CSMD1: variants seen among roughly 807,000 people sequenced by gnomAD.
CSMD1 encodes the protein CUB and Sushi multiple domains 1.
CSMD1 carries 213 observed loss-of-function variants against 417.5 expected under a neutral mutation model. The observed-to-expected ratio is 0.51, with a 90% confidence interval of 0.46 to 0.57. The LOEUF (loss-of-function observed/expected upper bound fraction) is 0.57. Ranked by LOEUF, CSMD1 falls within the 20% of genes least tolerant of loss-of-function variation. The probability of loss-of-function intolerance (pLI) is 0.00; values close to 1 mark genes in which losing one functional copy is unlikely to be tolerated. For synonymous variants in CSMD1, 2,862 were observed against 1,736.8 expected (o/e 1.65, Z -16.11); for missense variants, 6,923 against 4,529.7 (o/e 1.53, Z -15.17).
At chr8:4,051,966 C>A (rs921851901) in intron 3 of CSMD1, among the ~76,000 whole-genome samples, 1 of 151,052 alleles carries the variant, frequency 6.6e-6, no homozygotes, top group African/African-American at 2.4e-5. Context: ...ACTCTTGTTG[C>A]CCAGGCTGGA....
intron 3 of CSMD1, among the ~76,000 whole-genome samples, chr8:4,419,391 T>A (rs1403073358): frequency 1.3e-5 from 2 of 152,190 alleles, no homozygotes; most frequent in Non-Finnish European, 2.9e-5. Context: ...AAAAAATTTC[T>A]GCCAAAAGCC....
chr8:4,717,563 T>TATCTATCAATCC (rs765602082), intron 1 of CSMD1, among the ~76,000 whole-genome samples: 12 of 137,266 alleles, frequency 8.7e-5, no homozygotes, highest in African/African-American at 3.0e-4. Context: ...TCTATCTATC[T>TATCTATCAATCC]ATCCATCCAT....
chr8:3,978,717 A>G (rs1449219481), intron 5 of CSMD1, among the ~76,000 whole-genome samples: 1 of 152,100 alleles, frequency 6.6e-6, no homozygotes, highest in East Asian at 1.9e-4. Context: ...GCACTCTGAT[A>G]TTGATGTAAA....
intron 4 of CSMD1, among the ~76,000 whole-genome samples, chr8:3,998,582 G>C (rs904130158): frequency 2.0e-5 from 3 of 152,170 alleles, no homozygotes; most frequent in African/African-American, 7.2e-5. Flanking sequence ...ATTAATTTGG[G>C]TTTTGAATTT....
At chr8:4,895,970 A>G (rs1416585156) in intron 1 of CSMD1, among the ~76,000 whole-genome samples, 3 of 151,876 alleles carry the variant, frequency 2.0e-5, no homozygotes, top group Admixed American at 2.0e-4. Flanking sequence ...CCTAATTTTC[A>G]ATGTTTAAAT....
chr8:3,249,353 G>A (rs181322772), intron 26 of CSMD1, among the ~76,000 whole-genome samples: 4 of 152,158 alleles, frequency 2.6e-5, no homozygotes, highest in South Asian at 4.2e-4. Flanking sequence ...CACCCGAGGA[G>A]CTGCGACTAC....
intron 1 of CSMD1, among the ~76,000 whole-genome samples, chr8:4,971,145 T>C (rs1490102522): frequency 6.6e-6 from 1 of 151,988 alleles, no homozygotes; most frequent in Non-Finnish European, 1.5e-5. Context: ...CTGGGGTCCC[T>C]TCCAACTCTC....
chr8:3,563,762 A>G (rs926119319), intron 10 of CSMD1, among the ~76,000 whole-genome samples: 2 of 152,018 alleles, frequency 1.3e-5, no homozygotes, highest in Non-Finnish European at 2.9e-5. Flanking sequence ...GGTGGTAGGC[A>G]TCTGTAATCA....
At chr8:4,060,209 T>A (rs1417494042) in intron 3 of CSMD1, among the ~76,000 whole-genome samples, 3 of 144,258 alleles carry the variant, frequency 2.1e-5, no homozygotes, top group African/African-American at 7.7e-5. Flanking sequence ...ATTATTTCAA[T>A]AGATGCAGAA....
chr8:4,615,568 T>C (rs558283785), intron 2 of CSMD1, among the ~76,000 whole-genome samples: 2 of 152,308 alleles, frequency 1.3e-5, no homozygotes, highest in East Asian at 1.9e-4. Context: ...TAGGTTTTCA[T>C]ACTATGAGGA....
chr8:3,670,495 A>G (rs1364362400), intron 7 of CSMD1, among the ~76,000 whole-genome samples: 1 of 139,340 alleles, frequency 7.2e-6, no homozygotes, highest in African/African-American at 2.6e-5. Context: ...TCCCGTATAT[A>G]TATCCCATAT....
intron 5 of CSMD1, among the ~76,000 whole-genome samples, chr8:3,848,888 T>G (rs34633600): frequency 6.6e-6 from 1 of 151,072 alleles, no homozygotes; most frequent in Non-Finnish European, 1.5e-5. Context: ...TAAAGAGTGA[T>G]ATAAAGAAGA....
chr8:4,348,903 C>T (rs1479666523), intron 3 of CSMD1, among the ~76,000 whole-genome samples: 2 of 152,156 alleles, frequency 1.3e-5, no homozygotes, highest in Non-Finnish European at 2.9e-5. Context: ...ATAAGCCTTT[C>T]TCCCTGTGAT....
At chr8:4,107,961 A>C (rs748937732) in intron 3 of CSMD1, among the ~76,000 whole-genome samples, 3 of 152,146 alleles carry the variant, frequency 2.0e-5, no homozygotes, top group Non-Finnish European at 4.4e-5. Context: ...ACTGCAGTAA[A>C]AGTAGCATTG....
In CSMD1 at chr8:3,960,646, T is replaced by C. The variant is rs374608389; in HGVS notation, c.818+37257A>G. Among the ~76,000 whole-genome samples the C allele has an allele frequency of 4.5e-4, 69 of 152,178 alleles. No individual in the cohort carries two copies. The East Asian group carries it at 6.9e-3, about 15-fold the overall frequency. ...GGAAATATTAATATGCACTGATTAATTGATTATAAATCAAGAAGTTATGAT... is the reference window on the plus strand; with the variant it reads ...GGAAATATTAATATGCACTGATTAACTGATTATAAATCAAGAAGTTATGAT... On this transcript the variant is annotated intron_variant, in intron 5 of 69. Transcript: ENST00000635120.
At chr8:4,367,287 T>C (rs73508672) in intron 3 of CSMD1, among the ~76,000 whole-genome samples, 6,200 of 152,218 alleles carry the variant, frequency 0.041, 298 homozygotes, top group African/African-American at 0.11. Context: ...GTCTAGACAG[T>C]TTTCCCAGCT....
intron 2 of CSMD1, among the ~76,000 whole-genome samples, chr8:4,450,314 AT>A (rs1326353423): frequency 5.9e-5 from 9 of 152,028 alleles, no homozygotes; most frequent in Non-Finnish European, 7.4e-5. Context: ...AACTCAGAGT[AT>A]TTTTTCTTTG....
At chr8:4,025,343 T>G (rs952773416) in intron 4 of CSMD1, among the ~76,000 whole-genome samples, 3 of 152,190 alleles carry the variant, frequency 2.0e-5, no homozygotes, top group Non-Finnish European at 4.4e-5. Flanking sequence ...AATACCTTGT[T>G]TTGCATTTGA....
chr8:3,803,760 G>C (rs896161510), intron 5 of CSMD1, among the ~76,000 whole-genome samples: 1 of 152,148 alleles, frequency 6.6e-6, no homozygotes, highest in Non-Finnish European at 1.5e-5. Flanking sequence ...TTAGGGTCCT[G>C]AAGTAATTTG....
Sources: gnomAD v4.1 joint callset for allele counts (sites outside exome capture counted in the v4.1 genomes callset) on GRCh38, gnomAD v4.1.1 for gene constraint, MANE v1.5 for transcripts, NCBI Gene and HGNC (gene_info 2026-07-23, HGNC 2026-07-21) for gene names.